Variants in ZRANB3 observed in about 807,000 individuals in gnomAD.
The protein encoded by ZRANB3 is DNA annealing helicase and endonuclease ZRANB3.
Under a neutral mutation model 133.8 loss-of-function variants are expected in ZRANB3, and 125 were observed. The observed-to-expected ratio is 0.93, with a 90% CI of 0.81 to 1.08. The LOEUF (loss-of-function observed/expected upper bound fraction) is 1.08, where lower values mean the gene tolerates loss of function less well. Ranked by LOEUF, ZRANB3 falls within the 50% of genes least tolerant of loss-of-function variation. ZRANB3 has a pLI of 0.00. For missense variants in ZRANB3, 1,229 were observed against 1,275.5 expected, an observed-to-expected ratio of 0.96 and a Z score of 0.56; for synonymous variants, 387 against 432.7, an observed-to-expected ratio of 0.89 and a Z score of 1.31.
At chr2:135,477,326 T>A (rs1691549876) in intron 2 of ZRANB3, among the ~76,000 whole-genome samples, 1 of 152,296 alleles carries the variant, frequency 6.6e-6, no homozygotes, top group African/African-American at 2.4e-5. Flanking sequence ...TTTTCCAAAG[T>A]CTTAGTTATG....
intron 8 of ZRANB3, among the ~76,000 whole-genome samples, chr2:135,301,185 ATTTT>A (rs765150218): frequency 7.4e-6 from 1 of 135,926 alleles, no homozygotes. Context: ...TAATATGTTT[ATTTT>A]TTTTTTTTTT....
chr2:135,218,297 T>C (rs899389166), intron 16 of ZRANB3, among the ~76,000 whole-genome samples: 1 of 152,090 alleles, frequency 6.6e-6, no homozygotes, highest in Non-Finnish European at 1.5e-5. Context: ...CATCTGAGAA[T>C]TGCTTCGTAA....
At chr2:135,491,438 G>A (rs1038942338) in intron 2 of ZRANB3, among the ~76,000 whole-genome samples, 2 of 151,312 alleles carry the variant, frequency 1.3e-5, no homozygotes, top group African/African-American at 2.4e-5. Context: ...TCCACCTCCC[G>A]GGTTTATGCG....
intron 3 of ZRANB3, among the ~76,000 whole-genome samples, chr2:135,387,145 A>C (rs1430487976): frequency 6.6e-6 from 1 of 152,110 alleles, no homozygotes; most frequent in Non-Finnish European, 1.5e-5. Flanking sequence ...GTGAGTATTC[A>C]AGAGTTTATA....
At chr2:135,500,179 T>A (rs931670310) in intron 2 of ZRANB3, among the ~76,000 whole-genome samples, 12 of 151,972 alleles carry the variant, frequency 7.9e-5, no homozygotes, top group Non-Finnish European at 1.5e-4. Flanking sequence ...AGCCACCCAG[T>A]TGCGGTATGC....
At chr2:135,346,889 TA>T (rs1684960256) in intron 5 of ZRANB3, among the ~76,000 whole-genome samples, 1 of 152,204 alleles carries the variant, frequency 6.6e-6, no homozygotes, top group South Asian at 2.1e-4. Flanking sequence ...ACTAATTCTA[TA>T]ATATTTTTAT....
intron 12 of ZRANB3, among the ~76,000 whole-genome samples, chr2:135,246,026 CT>C (rs1294089180): frequency 1.6e-5 from 2 of 122,766 alleles, no homozygotes; most frequent in African/African-American, 6.3e-5. Context: ...CTTTTCTTTT[CT>C]TTTCTTTCTT....
chr2:135,523,932 T>C (rs1376718103), intron 1 of ZRANB3, among the ~76,000 whole-genome samples: 3 of 152,198 alleles, frequency 2.0e-5, no homozygotes, highest in Admixed American at 6.5e-5. Context: ...TGAAGTACAG[T>C]GGGATAAACA....
rs572645404 is a variant in ZRANB3, at chr2:135,416,295, G to A, written c.162-25475C>T. On this transcript the variant is annotated intron_variant, in intron 2 of 20. Transcript: ENST00000264159. ...CAAAATCAATGTGCAAAAATCACAA[G>A]CATTCTTATACACCATCAACAGACA... Among the ~76,000 whole-genome samples the A allele has an allele frequency of 3.9e-5, 6 of 152,192 alleles. No individual in the cohort carries two copies. The South Asian group carries it at 6.2e-4, about 16-fold the overall frequency.
chr2:135,229,002 A>G (rs1161463544), intron 13 of ZRANB3, among the ~76,000 whole-genome samples: 1 of 152,240 alleles, frequency 6.6e-6, no homozygotes, highest in Non-Finnish European at 1.5e-5. Flanking sequence ...TTGTTGCTAA[A>G]TCATTCAACT....
chr2:135,433,088 G>A (rs1689387875), intron 2 of ZRANB3, among the ~76,000 whole-genome samples: 1 of 149,800 alleles, frequency 6.7e-6, no homozygotes, highest in Non-Finnish European at 1.5e-5. Context: ...ACTCTGGCAG[G>A]TCTAGGTAAA....
At chr2:135,323,511 A>C (rs1683644808) in intron 6 of ZRANB3, among the ~76,000 whole-genome samples, 1 of 152,314 alleles carries the variant, frequency 6.6e-6, no homozygotes, top group African/African-American at 2.4e-5. Context: ...TAAACAGAAC[A>C]CAAACTTGCT....
intron 8 of ZRANB3, among the ~76,000 whole-genome samples, chr2:135,309,398 G>A (rs1420576331): frequency 1.3e-5 from 2 of 151,992 alleles, no homozygotes; most frequent in Admixed American, 6.6e-5. Context: ...TTCCTTCAAC[G>A]TAATAGGCAA....
chr2:135,519,298 T>C (rs1366528115), intron 1 of ZRANB3, among the ~76,000 whole-genome samples: 1 of 152,102 alleles, frequency 6.6e-6, no homozygotes, highest in African/African-American at 2.4e-5. Flanking sequence ...TCTTACAATT[T>C]CCCGTGAATT....
chr2:135,418,862 T>A (rs1195267659), intron 2 of ZRANB3, among the ~76,000 whole-genome samples: 1 of 149,570 alleles, frequency 6.7e-6, no homozygotes, highest in East Asian at 2.0e-4. Context: ...GAGTTGACAA[T>A]GAAGGTTTTC....
At chr2:135,449,147 A>G (rs929526575) in intron 2 of ZRANB3, among the ~76,000 whole-genome samples, 1 of 152,194 alleles carries the variant, frequency 6.6e-6, no homozygotes, top group African/African-American at 2.4e-5. Flanking sequence ...AAAGAGATCA[A>G]ATGAGGGTGT....
chr2:135,312,872 T>G (rs1212707503), intron 8 of ZRANB3, among the ~76,000 whole-genome samples: 1 of 151,032 alleles, frequency 6.6e-6, no homozygotes, highest in Non-Finnish European at 1.5e-5. Context: ...AAAAAAAAAT[T>G]TGCCAGGCAT....
chr2:135,510,594 C>T, intron 1 of ZRANB3: 1 of 741,942 alleles, frequency 1.3e-6, no homozygotes, highest in Non-Finnish European at 2.4e-6. Flanking sequence ...CTGCTTTCTG[C>T]ACCATGCCTC....
intron 2 of ZRANB3, among the ~76,000 whole-genome samples, chr2:135,397,123 G>A (rs1687526117): frequency 6.6e-6 from 1 of 151,574 alleles, no homozygotes; most frequent in Non-Finnish European, 1.5e-5. Flanking sequence ...GAGTGAGACT[G>A]CATCTAAACA....
Sources: allele counts gnomAD v4.1 joint callset (sites outside exome capture counted in the v4.1 genomes callset), GRCh38; gene constraint gnomAD v4.1.1; transcripts MANE v1.5; gene names NCBI Gene and HGNC (gene_info 2026-07-23, HGNC 2026-07-21).